KCNU1: variants seen among roughly 807,000 people sequenced by gnomAD.
The protein encoded by KCNU1 is potassium calcium-activated channel subfamily U member 1.
Under a neutral mutation model 126.8 loss-of-function variants are expected in KCNU1, and 93 were observed. The observed-to-expected ratio is 0.73, with a 90% CI of 0.62 to 0.87. The LOEUF (loss-of-function observed/expected upper bound fraction) is 0.87, where lower values mean the gene tolerates loss of function less well. KCNU1 is among the 40% of genes least tolerant of loss of function. The pLI is 0.00. For missense variants in KCNU1, 1,330 were observed against 1,367.1 expected, an observed-to-expected ratio of 0.97 and a Z score of 0.43; for synonymous variants, 523 against 494.2, an observed-to-expected ratio of 1.06 and a Z score of -0.77.
chr8:36,831,218 T>C (rs1804534781), intron 10 of KCNU1, among the ~76,000 whole-genome samples: 1 of 152,034 alleles, frequency 6.6e-6, no homozygotes, highest in African/African-American at 2.4e-5. Context: ...GCAATAAACA[T>C]ACGTGTGCAT....
intron 2 of KCNU1, among the ~76,000 whole-genome samples, chr8:36,801,219 A>C (rs922025409): frequency 6.6e-6 from 1 of 152,170 alleles, no homozygotes; most frequent in Non-Finnish European, 1.5e-5. Context: ...GATAATAGGA[A>C]AGTCTGATTA....
chr8:36,898,031 C>G (rs1182751525), intron 19 of KCNU1, among the ~76,000 whole-genome samples: 1 of 152,004 alleles, frequency 6.6e-6, no homozygotes, highest in Non-Finnish European at 1.5e-5. Context: ...GTGATGGCTT[C>G]CAGATGTGAG....
chr8:36,884,110 T>G (rs1806595866), intron 19 of KCNU1, among the ~76,000 whole-genome samples: 1 of 152,160 alleles, frequency 6.6e-6, no homozygotes, highest in Admixed American at 6.5e-5. Flanking sequence ...TTCCGGCACA[T>G]AAAATAACTT....
chr8:36,894,688 T>C (rs949259408), intron 19 of KCNU1, among the ~76,000 whole-genome samples: 2 of 152,120 alleles, frequency 1.3e-5, no homozygotes, highest in African/African-American at 4.8e-5. Context: ...CTGTGAATAG[T>C]CTGCATGGCA....
At chr8:36,888,634 C>A (rs1345550688) in intron 19 of KCNU1, 2 of 534,302 alleles carry the variant, frequency 3.7e-6, no homozygotes, top group South Asian at 2.8e-5. Context: ...GCAGAAATTC[C>A]TCCTCTGAAA....
At chr8:36,837,887 C>A (rs534198057) in intron 14 of KCNU1, among the ~76,000 whole-genome samples, 1 of 150,024 alleles carries the variant, frequency 6.7e-6, no homozygotes, top group South Asian at 2.1e-4. Context: ...TCCCTCTTGA[C>A]CTCTCTTTGC....
intron 20 of KCNU1, among the ~76,000 whole-genome samples, chr8:36,906,181 C>CTTTT (rs10650715): frequency 5.5e-5 from 8 of 145,770 alleles, no homozygotes; most frequent in East Asian, 2.0e-4. Flanking sequence ...ACTCTGCAGT[C>CTTTT]TTTTTTTTTT....
intron 23 of KCNU1, among the ~76,000 whole-genome samples, chr8:36,920,990 T>C (rs1007710458): frequency 8.5e-5 from 13 of 152,150 alleles, no homozygotes; most frequent in Non-Finnish European, 2.9e-5. Flanking sequence ...GTCCAGCAGA[T>C]TTGTTTGGAT....
chr8:36,873,001 C>T (rs769155188), intron 19 of KCNU1, among the ~76,000 whole-genome samples: 31 of 152,136 alleles, frequency 2.0e-4, no homozygotes, highest in Non-Finnish European at 4.3e-4. Flanking sequence ...ATCACTTGAA[C>T]CTGGGAGGTG....
At chr8:36,799,642 C>A (rs1055116549) in intron 2 of KCNU1, among the ~76,000 whole-genome samples, 1 of 151,646 alleles carries the variant, frequency 6.6e-6, no homozygotes, top group African/African-American at 2.4e-5. Flanking sequence ...TCAATCAATT[C>A]TCCTGTCTCA....
Position 36,805,259 on chromosome 8 carries a change from T to C in KCNU1, c.442T>C (p.Phe148Leu). The C allele has an allele frequency of 1.2e-6, 2 of 1,602,832 alleles. No homozygotes were observed. The highest frequency in any genetic ancestry group is 1.7e-6 in the Non-Finnish European group (2 of 1,172,948). ...TCCTATTGATTTGGTTTTCAATGCTTTCTTTAGTTTCTATTTTGGATTGAG... is the reference window on the plus strand; with the variant it reads ...TCCTATTGATTTGGTTTTCAATGCTCTCTTTAGTTTCTATTTTGGATTGAG... ...TIPIDLVFNAFFSFYFGLRFM... is the reference protein window; with the variant it reads ...TIPIDLVFNALFSFYFGLRFM... The change falls in exon 4 of 27, where the codon TTC becomes CTC. Residue 148 changes from phenylalanine (F) to leucine (L), a missense_variant. By Grantham distance (22) the Phe-to-Leu change is conservative. This residue lies in a region of KCNU1 where 247 missense variants were observed against 255.4 expected (regional missense o/e 0.97). Coordinates refer to ENST00000399881, the MANE Select transcript of KCNU1 (RefSeq NM_001031836.3).
rs137912687 is a variant in KCNU1, at chr8:36,824,190, A to G, written c.1106+6430A>G. Among the ~76,000 whole-genome samples, 309 of 152,334 alleles carry G rather than the reference A, an allele frequency of 2.0e-3. 5 individuals carry two copies. The highest frequency in any genetic ancestry group is 7.0e-3 in the African/African-American group (293 of 41,584). The stretch of plus-strand genomic sequence containing the variant: ...ATAATTCAAAAAATCACTTAGAATT[A>G]AAGTGATTATAAAGTGAACATCCAT... On this transcript the variant is annotated intron_variant, in intron 10 of 26. Coordinates refer to ENST00000399881, the MANE Select transcript of KCNU1 (RefSeq NM_001031836.3).
chr8:36,840,485 A>T lies in KCNU1; in HGVS notation c.1541A>T (p.Lys514Met). The change falls in exon 15 of 27, where the codon AAG becomes ATG. Residue 514 changes from lysine to methionine, a missense_variant. Transcript: ENST00000399881. ...CAGGTTATGCCTAAACAGACCTGGA[A>T]GAAACACTTCTTGAATAGCATGAAA... ...NKKVMPKQTW[K>M]KHFLNSMKNK... is the part of the protein sequence containing the mutation. 6.2e-7 allele frequency: 1 copy of T among 1,605,292 alleles called. No individual in the cohort carries two copies.
intron 2 of KCNU1, chr8:36,795,171 C>A (rs1197905157): frequency 6.6e-6 from 1 of 152,224 alleles, no homozygotes; most frequent in African/African-American, 2.4e-5. Context: ...AAAAGAACAT[C>A]CTCAGGACAG....
At chr8:36,855,656 G>T (rs1005349949) in intron 18 of KCNU1, among the ~76,000 whole-genome samples, 5 of 151,918 alleles carry the variant, frequency 3.3e-5, no homozygotes, top group Admixed American at 2.0e-4. Context: ...GCTCCTGTTG[G>T]TTAGTTTCCA....
intron 19 of KCNU1, among the ~76,000 whole-genome samples, chr8:36,898,830 G>GA (rs1352197275): frequency 1.3e-5 from 2 of 151,862 alleles, no homozygotes; most frequent in Non-Finnish European, 2.9e-5. Flanking sequence ...ACCTTATGCT[G>GA]AAAAAAATTG....
chr8:36,863,248 T>A (rs1805791567), intron 18 of KCNU1, among the ~76,000 whole-genome samples: 6 of 152,172 alleles, frequency 3.9e-5, no homozygotes. Context: ...TTTTTCTGTC[T>A]GCCACTGATC....
intron 2 of KCNU1, among the ~76,000 whole-genome samples, chr8:36,793,454 C>A (rs1802977575): frequency 1.3e-5 from 2 of 151,632 alleles, no homozygotes; most frequent in Admixed American, 6.6e-5. Flanking sequence ...TTGTAATGAT[C>A]AGCTTATAAT....
intron 19 of KCNU1, among the ~76,000 whole-genome samples, chr8:36,871,178 A>G (rs920448782): frequency 6.6e-5 from 10 of 152,198 alleles, no homozygotes; most frequent in African/African-American, 2.2e-4. Context: ...ACATATACAT[A>G]TAAAAACTAT....
Sources: gnomAD v4.1 joint callset for allele counts (sites outside exome capture counted in the v4.1 genomes callset) on GRCh38, gnomAD v4.1.1 for gene constraint, gnomAD v4.1.1 regional missense constraint, MANE v1.5 for transcripts, NCBI Gene and HGNC (gene_info 2026-07-23, HGNC 2026-07-21) for gene names.